Variants in JCAD observed in about 807,000 individuals in gnomAD.
JCAD encodes junctional cadherin 5 associated.
Under a neutral mutation model 98.0 loss-of-function variants are expected in JCAD, and 40 were observed. That is an observed-to-expected ratio of 0.41 (90% CI 0.32 to 0.53). The LOEUF is 0.53. Ranked by LOEUF, JCAD falls within the 20% of genes least tolerant of loss-of-function variation. The pLI is 0.31. For synonymous variants in JCAD, 691 were observed against 682.3 expected (o/e 1.01, Z -0.20); for missense variants, 1,705 against 1,738.1 (o/e 0.98, Z 0.34).
chr10:30,057,720 G>A (rs1032230728), intron 1 of JCAD, among the ~76,000 whole-genome samples: 2 of 152,156 alleles, frequency 1.3e-5, no homozygotes, highest in South Asian at 2.1e-4. Flanking sequence ...ATATTTGCTC[G>A]CCCACTCCAG....
upstream of JCAD, among the ~76,000 whole-genome samples, chr10:30,061,478 G>A (rs151191455): frequency 1.1e-3 from 174 of 151,708 alleles, 4 homozygotes; most frequent in East Asian, 0.031. Context: ...GGAGGTGGAG[G>A]TTGCAGTGAG....
intron 1 of JCAD, among the ~76,000 whole-genome samples, chr10:30,091,311 A>G (rs1047860881): frequency 6.6e-6 from 1 of 152,236 alleles, no homozygotes; most frequent in African/African-American, 2.4e-5. Context: ...TTATAACAAC[A>G]CATGCAAACT....
intron 1 of JCAD, among the ~76,000 whole-genome samples, chr10:30,107,959 C>T (rs935396137): frequency 3.9e-5 from 6 of 152,114 alleles, no homozygotes; most frequent in Non-Finnish European, 8.8e-5. Context: ...TGCCCCTTTT[C>T]TGTCTAGGAT....
At chr10:30,104,870 G>A (rs191418932) in intron 1 of JCAD, among the ~76,000 whole-genome samples, 1 of 151,722 alleles carries the variant, frequency 6.6e-6, no homozygotes, top group South Asian at 2.1e-4. Flanking sequence ...AGGGTTGGGG[G>A]TTGGCTGAAA....
At chr10:30,038,688 T>C (rs149160762) in intron 2 of JCAD, among the ~76,000 whole-genome samples, 1 of 122,014 alleles carries the variant, frequency 8.2e-6, no homozygotes, top group African/African-American at 3.1e-5. Context: ...TGTCTCAAAA[T>C]AAAAAAAAAA....
intron 2 of JCAD, among the ~76,000 whole-genome samples, chr10:30,037,225 C>A (rs1837134185): frequency 6.6e-6 from 1 of 152,182 alleles, no homozygotes; most frequent in Non-Finnish European, 1.5e-5. Flanking sequence ...TGGAAGCCTG[C>A]AATTTCTTTT....
In JCAD at chr10:30,028,808, T is replaced by A. The variant is rs1385103295; in HGVS notation, c.1340A>T (p.Lys447Met). The change falls in exon 3 of 4, where the codon AAG (lysine) becomes ATG (methionine). Residue 447 changes from lysine to methionine, a missense_variant. By Grantham distance (95) the Lys-to-Met change is moderately conservative. Transcript: ENST00000375377. ...GGAGTTATATGATTTATCGTCAAGC[T>A]TTATGTCTTCACAGAAACCCTGGGG... ...AQPQGFCEDI[K>M]LDDKSYNSSP... The A allele has an allele frequency of 4.3e-6, 7 of 1,614,222 alleles. No individual in the cohort carries two copies. Among genetic ancestry groups the A allele is most frequent in the Non-Finnish European group, 5.9e-6 (7 of 1,180,046 alleles).
At chr10:30,055,921 C>T (rs1199981340) in intron 1 of JCAD, among the ~76,000 whole-genome samples, 1 of 151,924 alleles carries the variant, frequency 6.6e-6, no homozygotes. Context: ...CTTTCCACAA[C>T]TAATGTGAAC....
chr10:30,056,693 T>C (rs760717577), intron 1 of JCAD, among the ~76,000 whole-genome samples: 1 of 152,222 alleles, frequency 6.6e-6, no homozygotes, highest in African/African-American at 2.4e-5. Context: ...TGCCAGCCTA[T>C]TGATTTAACC....
At chr10:30,041,119 G>T (rs900083699) in intron 2 of JCAD, among the ~76,000 whole-genome samples, 4 of 152,074 alleles carry the variant, frequency 2.6e-5, no homozygotes, top group African/African-American at 9.7e-5. Flanking sequence ...TGGGGAAACT[G>T]GTGCTGGTAA....
chr10:30,071,174 G>T (rs1381520791), intron 1 of JCAD, among the ~76,000 whole-genome samples: 3 of 152,076 alleles, frequency 2.0e-5, no homozygotes, highest in African/African-American at 4.8e-5. Context: ...CAAAGTGCTG[G>T]GATTACAGGC....
upstream of JCAD, among the ~76,000 whole-genome samples, chr10:30,061,831 A>T (rs1413606745): frequency 2.6e-5 from 4 of 152,250 alleles, no homozygotes; most frequent in African/African-American, 9.6e-5. Context: ...AATGACTTAT[A>T]GAATTCCTGT....
At chr10:30,049,034 A>G (rs771228132) in intron 1 of JCAD, among the ~76,000 whole-genome samples, 11 of 152,200 alleles carry the variant, frequency 7.2e-5, no homozygotes, top group Non-Finnish European at 1.3e-4. Flanking sequence ...ACCCACAAAG[A>G]AGAATGAAAA....
At chr10:30,020,638 C>T (rs1836643828) in intron 3 of JCAD, among the ~76,000 whole-genome samples, 1 of 152,178 alleles carries the variant, frequency 6.6e-6, no homozygotes, top group African/African-American at 2.4e-5. Context: ...AATAATCTGG[C>T]TAAAAGGAAG....
At chr10:30,094,592 T>C (rs1263822113) in intron 1 of JCAD, among the ~76,000 whole-genome samples, 2 of 152,214 alleles carry the variant, frequency 1.3e-5, no homozygotes, top group African/African-American at 4.8e-5. Context: ...TATTCATCTT[T>C]TGTTGAAAGC....
chr10:30,104,267 C>A (rs1838526240), intron 1 of JCAD, among the ~76,000 whole-genome samples: 1 of 152,090 alleles, frequency 6.6e-6, no homozygotes, highest in African/African-American at 2.4e-5. Context: ...GATTCAGTAG[C>A]AGGTTTTTGA....
chr10:30,070,513 A>G (rs904896485), intron 1 of JCAD, among the ~76,000 whole-genome samples: 1 of 152,170 alleles, frequency 6.6e-6, no homozygotes, highest in Non-Finnish European at 1.5e-5. Flanking sequence ...AGTTTTCGCA[A>G]ATTAGTGGGT....
At position 30,026,358 on chromosome 10, in the gene JCAD, C is replaced by G; in HGVS notation, c.3790G>C (p.Glu1264Gln). The change falls in exon 3 of 4, where the codon GAG becomes CAG. Residue 1264 changes from glutamate to glutamine, a missense_variant. By Grantham distance (29) the Glu-to-Gln change is conservative. This residue lies in a region of JCAD where 1,278 missense variants were observed against 1,243.1 expected (regional missense o/e 1.03). Transcript: ENST00000375377. ...ADPDRLMRMK[E>Q]VSSVSRMRVL... The stretch of plus-strand genomic sequence containing the variant: ...CTCATCCGTGACACTGAGCTCACCT[C>G]TTTCATTCTCATCAGGCGGTCAGGG... The G allele has an allele frequency of 3.1e-6, 5 of 1,614,216 alleles. No homozygotes were observed. Among genetic ancestry groups the G allele is most frequent in the Non-Finnish European group, 4.2e-6 (5 of 1,180,038 alleles).
At position 30,027,352 on chromosome 10, in the gene JCAD, CG is replaced by C; in HGVS notation, c.2795del (p.Pro932ArgfsTer44). On this transcript the variant is annotated frameshift_variant, in exon 3 of 4. Coordinates refer to ENST00000375377, the MANE Select transcript of JCAD (RefSeq NM_020848.4). LOFTEE classifies it high-confidence loss of function. Reference sequence around the variant, plus strand: ...CACCTTCTTCCACGCGAAAGCGGCCCGGGGATGGAGGCCAGGCACGTGGGTG... The same window carrying C: ...CACCTTCTTCCACGCGAAAGCGGCCCGGGATGGAGGCCAGGCACGTGGGTG... The part of the protein sequence containing the change: ...PGHPRAWPPS[P>X]GRFRVEEGGG... 6.2e-7 allele frequency: 1 copy of C among 1,611,758 alleles called. No homozygotes were observed. The highest frequency in any genetic ancestry group is 1.3e-5 in the African/African-American group (1 of 75,062).
Sources: gnomAD v4.1 joint callset for allele counts (sites outside exome capture counted in the v4.1 genomes callset) on GRCh38, gnomAD v4.1.1 for gene constraint, gnomAD v4.1.1 regional missense constraint, MANE v1.5 for transcripts, NCBI Gene and HGNC (gene_info 2026-07-23, HGNC 2026-07-21) for gene names.